EIF4E3: variants seen among roughly 807,000 people sequenced by gnomAD.
EIF4E3 encodes eukaryotic translation initiation factor 4E type 3.
A neutral mutation model predicts 31.7 loss-of-function variants in EIF4E3; 26 were observed. That is an observed-to-expected ratio of 0.82 (90% CI 0.60 to 1.14). EIF4E3 has a LOEUF of 1.14. EIF4E3 is among the 50% of genes most tolerant of loss of function. The pLI is 0.00. For synonymous variants in EIF4E3, 128 were observed against 107.7 expected (o/e 1.19, Z -1.17); for missense variants, 304 against 270.9 (o/e 1.12, Z -0.86).
chr3:71,678,115 T>C lies in EIF4E3; in HGVS notation c.*6567A>G, dbSNP rs1040725628. ...ATTAGAGGTGTTGGACAGAAACTTT[T>C]AATATGTGTTGTAATAAACAAGGTT... On this transcript the variant is annotated 3_prime_UTR_variant, in exon 7 of 7. Coordinates refer to ENST00000425534, the MANE Select transcript of EIF4E3 (RefSeq NM_001134651.2). 3.9e-5 allele frequency: 6 copies of C among 152,160 alleles called. No homozygotes were observed. Among genetic ancestry groups the C allele is most frequent in the Non-Finnish European group, 8.8e-5 (6 of 68,012 alleles). 9.4% of individuals were successfully genotyped at this position (152,160 alleles called of 1,614,324 possible). A position where few individuals can be genotyped will look rare whatever the true frequency, so the allele number is the denominator to read the frequency against.
chr3:71,729,807 T>TGTGTGTGC (rs2049684229), upstream of EIF4E3, among the ~76,000 whole-genome samples: 1 of 114,416 alleles, frequency 8.7e-6, no homozygotes, highest in Admixed American at 7.8e-5. Flanking sequence ...AATGTGTGTG[T>TGTGTGTGC]GTGTGTGTGT....
At chr3:71,753,956 C>CCGGCGGAG (rs1456836741), upstream of EIF4E3, 6 of 1,024,378 alleles carry the variant, frequency 5.9e-6, no homozygotes, top group African/African-American at 5.2e-5. Context: ...TCGCCCAGGG[C>CCGGCGGAG]CGGCGGAGCG....
At position 71,681,920 on chromosome 3, in the gene EIF4E3, G is replaced by A. The variant is rs2048928918; in HGVS notation, c.*2762C>T. On this transcript the variant is annotated 3_prime_UTR_variant, in exon 7 of 7. Coordinates refer to ENST00000425534, the MANE Select transcript of EIF4E3 (RefSeq NM_001134651.2). ...TTTTCATGTTTTTGCTTCATAAAGT[G>A]TACCACGAATCTAACAGCAATATTA... 1 of 152,102 alleles carries A rather than the reference G, an allele frequency of 6.6e-6. No individual in the cohort carries two copies. Among genetic ancestry groups the A allele is most frequent in the Non-Finnish European group, 1.5e-5 (1 of 68,040 alleles). The allele number at this position is 152,102 out of a possible 1,614,324, so 9.4% of individuals were successfully genotyped here.
chr3:71,753,013 T>C (rs908402657), intron 1 of EIF4E3, among the ~76,000 whole-genome samples: 6 of 152,166 alleles, frequency 3.9e-5, no homozygotes, highest in Non-Finnish European at 5.9e-5. Flanking sequence ...TTCCCTGATA[T>C]AGGTCCTTCA....
chr3:71,673,652 C>T (rs2048857611), downstream of EIF4E3, among the ~76,000 whole-genome samples: 1 of 151,680 alleles, frequency 6.6e-6, no homozygotes, highest in Admixed American at 6.6e-5. Flanking sequence ...TCAAAAATGT[C>T]TAAGATACAC....
chr3:71,733,635 C>T (rs2049730137), intron 1 of EIF4E3, among the ~76,000 whole-genome samples: 1 of 152,142 alleles, frequency 6.6e-6, no homozygotes, highest in African/African-American at 2.4e-5. Flanking sequence ...GTGGGGAGCT[C>T]ACCTTTGAGG....
upstream of EIF4E3, among the ~76,000 whole-genome samples, chr3:71,725,938 G>A (rs1395915411): frequency 5.3e-5 from 8 of 152,144 alleles, no homozygotes; most frequent in Admixed American, 5.2e-4. This position sits in a 1 kb window ranked among gnomAD's most constrained non-coding sequence, Gnocchi z 6.1. Flanking sequence ...AGCACAGTTG[G>A]GTGTGACAGA....
chr3:71,741,194 G>GCACACACACACACA lies in EIF4E3; in HGVS notation c.-291+12255_-291+12268dup, dbSNP rs147940981. Among the ~76,000 whole-genome samples, 843 of 149,314 alleles carry GCACACACACACACA rather than the reference G, an allele frequency of 5.6e-3. 7 individuals are homozygous for GCACACACACACACA. Among genetic ancestry groups the GCACACACACACACA allele is most frequent in the African/African-American group, 0.02 (813 of 40,846 alleles). ...CATCCATGCACATGCACATGCACGC[G>GCACACACACACACA]CACACACACACACACACACACATCC... On this transcript the variant is annotated intron_variant, in intron 1 of 7. Coordinates refer to the EIF4E3 transcript ENST00000295612.
chr3:71,661,239 C>A, the EIF4E3 span, among the ~76,000 whole-genome samples: 2 of 100,340 alleles, frequency 2.0e-5, no homozygotes, highest in African/African-American at 3.9e-5. Flanking sequence ...GGTTGGGGGG[C>A]GGGGGCGGCA....
intron 6 of EIF4E3, among the ~76,000 whole-genome samples, chr3:71,687,848 A>G (rs1284927664): frequency 6.6e-6 from 1 of 152,226 alleles, no homozygotes; most frequent in African/African-American, 2.4e-5. Context: ...GATCCTATTA[A>G]CCAAACCAGA....
chr3:71,715,586 C>T (rs945922071), intron 1 of EIF4E3, among the ~76,000 whole-genome samples: 1 of 152,120 alleles, frequency 6.6e-6, no homozygotes, highest in Non-Finnish European at 1.5e-5. Flanking sequence ...AATCACAGAA[C>T]CCAGGAATCA....
intron 1 of EIF4E3, among the ~76,000 whole-genome samples, chr3:71,751,933 A>G (rs935281030): frequency 6.6e-6 from 1 of 152,196 alleles, no homozygotes; most frequent in Non-Finnish European, 1.5e-5. Context: ...AAACTCATGT[A>G]CACGTTTTTT....
intron 1 of EIF4E3, among the ~76,000 whole-genome samples, chr3:71,747,921 C>T (rs1559616392): frequency 6.6e-6 from 1 of 152,172 alleles, no homozygotes; most frequent in African/African-American, 2.4e-5. Flanking sequence ...TACATATACA[C>T]ATAAAGATAT....
intron 1 of EIF4E3, among the ~76,000 whole-genome samples, chr3:71,752,437 T>G (rs1300928149): frequency 3.3e-5 from 5 of 152,166 alleles, no homozygotes; most frequent in African/African-American, 1.2e-4. Context: ...GACTAAAGTT[T>G]CGACTTCTTA....
intron 2 of EIF4E3, among the ~76,000 whole-genome samples, chr3:71,701,718 C>T (rs1379513305): frequency 6.6e-6 from 1 of 152,098 alleles, no homozygotes; most frequent in Non-Finnish European, 1.5e-5. Flanking sequence ...TTGTTCAAGC[C>T]TGTTTTGTGT....
In EIF4E3 at chr3:71,684,391, G is replaced by A. The variant is rs1384200210; in HGVS notation, c.*291C>T. 5.1e-5 allele frequency: 14 copies of A among 276,030 alleles called. No individual in the cohort carries two copies. Among genetic ancestry groups the A allele is most frequent in the African/African-American group, 2.0e-4 (8 of 39,758 alleles). 17.1% of individuals were successfully genotyped at this position (276,030 alleles called of 1,614,324 possible). ...TTAGGCTGAATAAGGAATTTTAAACGGCAAAAAAAAAAAAAAATCAGAGTG... is the reference window on the plus strand; with the variant it reads ...TTAGGCTGAATAAGGAATTTTAAACAGCAAAAAAAAAAAAAAATCAGAGTG... On this transcript the variant is annotated 3_prime_UTR_variant, in exon 7 of 7. Coordinates refer to ENST00000425534, the MANE Select transcript of EIF4E3 (RefSeq NM_001134651.2).
rs551850608 is a variant in EIF4E3, at chr3:71,682,982, A to G, written c.*1700T>C. ...AAAATTCTTGAGTCATAATTTTAAA[A>G]CAAGTTGAATGTTAGTACAATGTTT... On this transcript the variant is annotated 3_prime_UTR_variant, in exon 7 of 7. Coordinates refer to ENST00000425534, the MANE Select transcript of EIF4E3 (RefSeq NM_001134651.2). 1 of 152,362 alleles carries G rather than the reference A, an allele frequency of 6.6e-6. No homozygotes were observed. The highest frequency in any genetic ancestry group is 1.9e-4 in the East Asian group (1 of 5,186). The allele number at this position is 152,362 out of a possible 1,614,324, so 9.4% of individuals were successfully genotyped here.
chr3:71,732,077 C>A (rs2049712529), intron 1 of EIF4E3, among the ~76,000 whole-genome samples: 1 of 152,162 alleles, frequency 6.6e-6, no homozygotes, highest in African/African-American at 2.4e-5. Context: ...CTGGGCCCAC[C>A]CCCTCCACCA....
intron 1 of EIF4E3, among the ~76,000 whole-genome samples, chr3:71,721,756 C>G (rs528054796): frequency 6.6e-6 from 1 of 152,252 alleles, no homozygotes; most frequent in Non-Finnish European, 1.5e-5. Flanking sequence ...AACTGTGAGT[C>G]AAACCTCTTT....
Sources: allele counts gnomAD v4.1 joint callset (sites outside exome capture counted in the v4.1 genomes callset), GRCh38; gene constraint gnomAD v4.1.1; non-coding constraint Gnocchi (gnomAD v3.1); transcripts MANE v1.5; gene names NCBI Gene and HGNC (gene_info 2026-07-23, HGNC 2026-07-21).